Variants in ZBTB20 observed in about 807,000 individuals in gnomAD.
ZBTB20 encodes zinc finger and BTB domain containing 20, also known as zinc finger and BTB domain-containing protein 20.
ZBTB20 carries 9 observed loss-of-function variants against 56.9 expected under a neutral mutation model. The ratio of observed to expected loss-of-function variants is 0.16; its 90% CI spans 0.10 to 0.28. The LOEUF (loss-of-function observed/expected upper bound fraction) is 0.28. ZBTB20 is among the 10% of genes least tolerant of loss of function. The pLI is 1.00. For missense variants in ZBTB20, 655 were observed against 1,003.0 expected, an observed-to-expected ratio of 0.65 and a Z score of 4.69; for synonymous variants, 417 against 420.7, an observed-to-expected ratio of 0.99 and a Z score of 0.11.
intron 2 of ZBTB20, among the ~76,000 whole-genome samples, chr3:115,055,386 G>A (rs1248837744): frequency 6.6e-6 from 1 of 151,950 alleles, no homozygotes. Flanking sequence ...CACTGACCTG[G>A]TCAATATCTT....
In ZBTB20 at chr3:115,093,311, C is replaced by T. The variant is rs549804227; in HGVS notation, c.-702-21897G>A. 2.0e-5 allele frequency among the ~76,000 whole-genome samples: 3 copies of T among 151,974 alleles called. No individual in the cohort carries two copies. The South Asian group carries it at 6.2e-4, about 32-fold the overall frequency. ...ATAAGTGAAACTACTGTGTATAGGC[C>T]GTACCACATCTTCATATCCATAGGT... On this transcript the variant is annotated intron_variant, in intron 1 of 11. Transcript: ENST00000675478.
At chr3:115,007,096 A>T (rs963647082) in intron 2 of ZBTB20, among the ~76,000 whole-genome samples, 2 of 151,802 alleles carry the variant, frequency 1.3e-5, no homozygotes, top group African/African-American at 4.8e-5. Flanking sequence ...TCTACTTCTC[A>T]TTGTGCAAAG....
chr3:114,484,841 G>A (rs925862528), intron 7 of ZBTB20, among the ~76,000 whole-genome samples: 6 of 152,118 alleles, frequency 3.9e-5, no homozygotes, highest in African/African-American at 7.2e-5. Context: ...GTGTGTGTGC[G>A]TGAGTGCACG....
intron 3 of ZBTB20, among the ~76,000 whole-genome samples, chr3:114,934,434 T>C (rs896238469): frequency 1.3e-5 from 2 of 152,190 alleles, no homozygotes; most frequent in Non-Finnish European, 2.9e-5. Context: ...CCACTGAAAA[T>C]AAGCTCCTCC....
At chr3:115,031,343 T>G (rs189451581) in intron 2 of ZBTB20, among the ~76,000 whole-genome samples, 1 of 151,550 alleles carries the variant, frequency 6.6e-6, no homozygotes, top group East Asian at 1.9e-4. Flanking sequence ...CAACAGTACA[T>G]CTTCTTGAAC....
intron 6 of ZBTB20, among the ~76,000 whole-genome samples, chr3:114,544,065 A>T (rs1376378369): frequency 6.6e-6 from 1 of 152,210 alleles, no homozygotes; most frequent in Non-Finnish European, 1.5e-5. Flanking sequence ...ACTCTGCTTT[A>T]ACAGTGAGAA....
intron 6 of ZBTB20, chr3:114,582,221 A>G (rs2054704856): frequency 6.6e-6 from 1 of 152,148 alleles, no homozygotes; most frequent in African/African-American, 2.4e-5. Context: ...TCACATGTAT[A>G]CTCATCAAGG....
At chr3:114,568,470 AG>A (rs1220789851) in intron 6 of ZBTB20, among the ~76,000 whole-genome samples, 1 of 152,204 alleles carries the variant, frequency 6.6e-6, no homozygotes, top group Non-Finnish European at 1.5e-5. Context: ...ATACAGTAAG[AG>A]TAATTATGAG....
chr3:114,676,990 G>A (rs1026238664), intron 6 of ZBTB20, among the ~76,000 whole-genome samples: 1 of 151,990 alleles, frequency 6.6e-6, no homozygotes. Context: ...GGCCAGGATG[G>A]TCTTGATCTC....
intron 2 of ZBTB20, among the ~76,000 whole-genome samples, chr3:114,978,763 GATT>G (rs1352872713): frequency 6.6e-6 from 1 of 151,634 alleles, no homozygotes; most frequent in African/African-American, 2.4e-5. Context: ...TTTATCTTAA[GATT>G]ATGACAGTTT....
At chr3:114,534,945 G>T (rs1431277736) in intron 6 of ZBTB20, among the ~76,000 whole-genome samples, 1 of 152,146 alleles carries the variant, frequency 6.6e-6, no homozygotes, top group Non-Finnish European at 1.5e-5. Context: ...AAACCAATGA[G>T]AACAAAGACA....
chr3:114,896,454 G>C (rs1486138999), intron 4 of ZBTB20, among the ~76,000 whole-genome samples: 1 of 152,072 alleles, frequency 6.6e-6, no homozygotes, highest in East Asian at 1.9e-4. Flanking sequence ...CTACCACATG[G>C]ATGAATGCTG....
At chr3:114,656,344 G>T (rs1388985011) in intron 6 of ZBTB20, among the ~76,000 whole-genome samples, 1 of 152,080 alleles carries the variant, frequency 6.6e-6, no homozygotes. Flanking sequence ...TATCATTTCT[G>T]TCCCATTTTC....
At chr3:114,970,312 G>A (rs886351694) in intron 3 of ZBTB20, among the ~76,000 whole-genome samples, 1 of 152,160 alleles carries the variant, frequency 6.6e-6, no homozygotes, top group African/African-American at 2.4e-5. Context: ...AAAAAGAACT[G>A]TGTTAATTTA....
In ZBTB20 at chr3:114,430,832, T is replaced by G. The variant is rs74341088; in HGVS notation, c.-254-41727A>C. On this transcript the variant is annotated intron_variant, in intron 7 of 11. Transcript: ENST00000675478. ...GTAGATAGGGTTTTATCCTTAAAAA[T>G]ATTTAAAGGTGAGCACATAGTCTGC... Among the ~76,000 whole-genome samples the G allele has an allele frequency of 4.6e-5, 7 of 152,304 alleles. No individual in the cohort carries two copies. The East Asian group carries it at 1.4e-3, about 29-fold the overall frequency.
At chr3:115,062,310 T>C (rs892689413) in intron 2 of ZBTB20, among the ~76,000 whole-genome samples, 6 of 152,218 alleles carry the variant, frequency 3.9e-5, no homozygotes, top group Non-Finnish European at 7.3e-5. Context: ...CCATACACTA[T>C]CAATGAAAAC....
At chr3:114,536,562 C>T (rs1045523789) in intron 6 of ZBTB20, among the ~76,000 whole-genome samples, 1 of 152,074 alleles carries the variant, frequency 6.6e-6, no homozygotes, top group Non-Finnish European at 1.5e-5. Flanking sequence ...GGCCATACTG[C>T]CCAAAGTAAT....
Position 114,380,342 on chromosome 3 carries a change from C to T in ZBTB20, c.74G>A (p.Gly25Asp). 1 of 1,537,204 alleles carries T rather than the reference C, an allele frequency of 6.5e-7. No individual in the cohort carries two copies. Among genetic ancestry groups the T allele is most frequent in the Non-Finnish European group, 8.7e-7 (1 of 1,146,870 alleles). The change falls in exon 10 of 12, where the codon GGT (glycine) becomes GAT (aspartate). Residue 25 changes from glycine to aspartate, a missense_variant. Gly to Asp is a moderately conservative substitution (Grantham distance 94). This residue lies in a region of ZBTB20 where 79 missense variants were observed against 78.4 expected (regional missense o/e 1.01). Coordinates refer to ENST00000675478, the MANE Select transcript of ZBTB20 (RefSeq NM_001348800.3). ...AAGGCCCGGCTTGGCGCTGGATCCA[C>T]CCGGCTGAGTAATCTCATTCTCCTC... ...ASEENEITQP[G>D]GSSAKPGLPC...
At chr3:114,862,527 T>C (rs554641495) in intron 4 of ZBTB20, among the ~76,000 whole-genome samples, 145 of 152,210 alleles carry the variant, frequency 9.5e-4, no homozygotes, top group African/African-American at 3.4e-3. Flanking sequence ...TCTTTAAAAA[T>C]AGTAGTTATC....
Sources: allele counts gnomAD v4.1 joint callset (sites outside exome capture counted in the v4.1 genomes callset), GRCh38; gene constraint gnomAD v4.1.1; regional missense constraint gnomAD v4.1.1; transcripts MANE v1.5; gene names NCBI Gene and HGNC (gene_info 2026-07-23, HGNC 2026-07-21).